Variants in ZMYND11 observed in about 807,000 individuals in gnomAD.
The protein encoded by ZMYND11 is zinc finger MYND domain-containing protein 11.
A neutral mutation model predicts 84.9 loss-of-function variants in ZMYND11; 9 were observed. The ratio of observed to expected loss-of-function variants is 0.11; its 90% confidence interval spans 0.06 to 0.18. The LOEUF is 0.18. ZMYND11 is among the 10% of genes least tolerant of loss of function. The pLI is 1.00. For synonymous variants in ZMYND11, 250 were observed against 244.1 expected (o/e 1.02, Z -0.23); for missense variants, 409 against 761.0 (o/e 0.54, Z 5.44).
chr10:165,638 A>G (rs1422616031), intron 1 of ZMYND11, among the ~76,000 whole-genome samples: 1 of 152,122 alleles, frequency 6.6e-6, no homozygotes, highest in Non-Finnish European at 1.5e-5. Context: ...AAAACCGGAA[A>G]TCTAAGCATT....
intron 10 of ZMYND11, among the ~76,000 whole-genome samples, chr10:243,869 AAAT>A (rs549944183): frequency 1.8e-3 from 278 of 152,276 alleles, no homozygotes; most frequent in African/African-American, 5.7e-3. Context: ...CGTCTCAAAA[AAAT>A]AATAATAATA....
In ZMYND11 at chr10:248,894, T is replaced by A; in HGVS notation, c.1501-9T>A. On this transcript the variant is annotated splice_polypyrimidine_tract_variant and intron_variant, in intron 13 of 14. Transcript: ENST00000381604. ...TGCTGACGCACTGTGGGTTGTCTTT[T>A]CATTCCAGCTGCGTTCTGAAATGGA... The A allele has an allele frequency of 6.2e-7, 1 of 1,600,932 alleles. No homozygotes were observed.
intron 2 of ZMYND11, among the ~76,000 whole-genome samples, chr10:196,452 T>G (rs1392162188): frequency 6.6e-6 from 1 of 152,142 alleles, no homozygotes; most frequent in Non-Finnish European, 1.5e-5. Context: ...GAGTTAAAAA[T>G]GAAAATGGAA....
intron 14 of ZMYND11, among the ~76,000 whole-genome samples, chr10:250,569 TATA>T (rs1953235969): frequency 1.3e-5 from 2 of 152,174 alleles, no homozygotes; most frequent in Admixed American, 1.3e-4. Flanking sequence ...AGGCTATAAT[TATA>T]ATACTGTCTT....
chr10:239,410 T>C (rs779176210), intron 6 of ZMYND11, 28 bp from the exon 7 acceptor site: 10 of 1,592,508 alleles, frequency 6.3e-6, no homozygotes, highest in Non-Finnish European at 8.6e-6. Context: ...GTAACTCTTT[T>C]CGTCATTCTG....
intron 4 of ZMYND11, among the ~76,000 whole-genome samples, chr10:235,012 A>ATGTGTGTGTGTG (rs1949711374): frequency 1.0e-5 from 1 of 97,400 alleles, no homozygotes; most frequent in Non-Finnish European, 2.3e-5. Flanking sequence ...GTGTGTGTGA[A>ATGTGTGTGTGTG]AAGCACTGGG....
chr10:154,541 GT>G (rs1396507484), intron 1 of ZMYND11, among the ~76,000 whole-genome samples: 2 of 152,188 alleles, frequency 1.3e-5, no homozygotes, highest in African/African-American at 4.8e-5. Flanking sequence ...GAATGACTCA[GT>G]TTTCAGCTGC....
At chr10:224,072 C>G (rs942037023) in intron 4 of ZMYND11, among the ~76,000 whole-genome samples, 3 of 152,072 alleles carry the variant, frequency 2.0e-5, no homozygotes, top group African/African-American at 7.2e-5. Flanking sequence ...ACCATTACTA[C>G]CTAAAACTGA....
At chr10:153,400 C>G (rs1170242721) in intron 1 of ZMYND11, among the ~76,000 whole-genome samples, 2 of 152,132 alleles carry the variant, frequency 1.3e-5, no homozygotes, top group African/African-American at 2.4e-5. Flanking sequence ...TTGTAATTAA[C>G]TTGTTAGGAA....
At chr10:220,017 A>G (rs926498061) in intron 3 of ZMYND11, among the ~76,000 whole-genome samples, 1 of 152,174 alleles carries the variant, frequency 6.6e-6, no homozygotes, top group Non-Finnish European at 1.5e-5. Context: ...GTAGTCCTTC[A>G]TATCTGGCAG....
rs1238302188 is a variant in ZMYND11, at chr10:246,779, T to G, written c.964T>G (p.Ser322Ala). ...TGTTTTTCCTAGGGCCTGGATTCCT[T>G]CTGAAAACATTCAAGATATCACAGT... is the stretch of plus-strand genomic sequence containing the variant. ...GHHHQRAWIPSENIQDITVNI... is the reference protein window; with the variant it reads ...GHHHQRAWIPAENIQDITVNI... Residue 322 changes from serine to alanine, a missense_variant, in exon 11 of 15, where the codon TCT becomes GCT. Physicochemically the swap from Ser to Ala is moderately conservative, Grantham distance 99. Coordinates refer to ENST00000381604, the MANE Select transcript of ZMYND11 (RefSeq NM_001370100.5). The G allele has an allele frequency of 6.2e-7, 1 of 1,614,150 alleles. No homozygotes were observed. Among genetic ancestry groups the G allele is most frequent in the African/African-American group, 1.3e-5 (1 of 75,032 alleles).
At chr10:187,996 T>C (rs1232587462) in intron 2 of ZMYND11, among the ~76,000 whole-genome samples, 1 of 152,146 alleles carries the variant, frequency 6.6e-6, no homozygotes, top group Non-Finnish European at 1.5e-5. Context: ...CGTAGTAAGT[T>C]GAGGGTTATG....
chr10:222,013 T>C (rs1463358144), intron 4 of ZMYND11, among the ~76,000 whole-genome samples: 1 of 152,196 alleles, frequency 6.6e-6, no homozygotes, highest in African/African-American at 2.4e-5. Flanking sequence ...TGTGTGTGTA[T>C]ACGAGTGATA....
At chr10:244,170 A>T (rs1951637011) in intron 10 of ZMYND11, among the ~76,000 whole-genome samples, 1 of 152,134 alleles carries the variant, frequency 6.6e-6, no homozygotes, top group South Asian at 2.1e-4. Flanking sequence ...TCCATATTAG[A>T]ATGTTTATTT....
intron 2 of ZMYND11, among the ~76,000 whole-genome samples, chr10:194,674 A>G (rs1941306900): frequency 6.6e-6 from 1 of 152,220 alleles, no homozygotes; most frequent in Admixed American, 6.5e-5. Flanking sequence ...ATACAAGCAT[A>G]TTTTAATGTG....
chr10:242,599 A>G (rs145639389), intron 10 of ZMYND11, among the ~76,000 whole-genome samples: 1 of 152,234 alleles, frequency 6.6e-6, no homozygotes, highest in South Asian at 2.1e-4. Flanking sequence ...AGGAATAAAG[A>G]ATTCACATGC....
At chr10:183,858 G>C (rs1848388008) in intron 2 of ZMYND11, among the ~76,000 whole-genome samples, 1 of 152,068 alleles carries the variant, frequency 6.6e-6, no homozygotes, top group African/African-American at 2.4e-5. Flanking sequence ...GATGTTTCAG[G>C]ATCTTCTTGT....
upstream of ZMYND11, among the ~76,000 whole-genome samples, chr10:134,303 A>ACT (rs1228893614): frequency 2.6e-5 from 4 of 151,004 alleles, no homozygotes; most frequent in Non-Finnish European, 5.9e-5. Flanking sequence ...AGAGCAGAGG[A>ACT]CTCTGACTGA....
intron 1 of ZMYND11, among the ~76,000 whole-genome samples, chr10:145,450 T>C (rs1041194358): frequency 6.6e-6 from 1 of 152,116 alleles, no homozygotes; most frequent in Non-Finnish European, 1.5e-5. Context: ...AGATTTACTT[T>C]TAGTACTTAA....
Sources: gnomAD v4.1 joint callset for allele counts (sites outside exome capture counted in the v4.1 genomes callset) on GRCh38, gnomAD v4.1.1 for gene constraint, MANE v1.5 for transcripts, NCBI Gene and HGNC (gene_info 2026-07-23, HGNC 2026-07-21) for gene names.